Variants in TNR observed in about 807,000 individuals in gnomAD.
TNR encodes the protein tenascin R.
In TNR, 45 loss-of-function variants were observed where a neutral mutation model predicts 150.4. That is an observed-to-expected ratio of 0.30 (90% CI 0.24 to 0.38). The LOEUF is 0.38. Ranked by LOEUF, TNR falls within the 10% of genes least tolerant of loss-of-function variation. TNR has a pLI of 1.00. For synonymous variants in TNR, 687 were observed against 678.4 expected (o/e 1.01, Z -0.20); for missense variants, 1,544 against 1,759.1 (o/e 0.88, Z 2.19).
At chr1:175,403,872 G>C (rs891103036) in intron 3 of TNR, among the ~76,000 whole-genome samples, 2 of 152,214 alleles carry the variant, frequency 1.3e-5, no homozygotes, top group Non-Finnish European at 2.9e-5. Flanking sequence ...GACCTTTAAG[G>C]TGTCTTAGGA....
chr1:175,549,333 A>G (rs1394593933), intron 1 of TNR, among the ~76,000 whole-genome samples: 1 of 152,252 alleles, frequency 6.6e-6, no homozygotes, highest in African/African-American at 2.4e-5. Flanking sequence ...CGGCAAGGCA[A>G]TAACAATAGC....
Position 175,574,074 on chromosome 1 carries a change from G to T in TNR, c.-164-45705C>A, listed in dbSNP as rs189911579. Among the ~76,000 whole-genome samples, 11 of 152,256 alleles carry T rather than the reference G, an allele frequency of 7.2e-5. No individual in the cohort carries two copies. The East Asian group carries it at 2.1e-3, about 29-fold the overall frequency. ...TGAAGAGGAAGATGAGAGGTGGTGG[G>T]AGTGGGCGTGGAGAGAAGACCTGGG... On this transcript the variant is annotated intron_variant, in intron 1 of 22. Coordinates refer to ENST00000367674, the MANE Select transcript of TNR (RefSeq NM_003285.3).
intron 1 of TNR, among the ~76,000 whole-genome samples, chr1:175,624,555 C>T (rs992284248): frequency 1.3e-5 from 2 of 152,076 alleles, no homozygotes; most frequent in Non-Finnish European, 2.9e-5. Flanking sequence ...CCAAGAAATG[C>T]TAAGGAGTGT....
chr1:175,581,810 A>G (rs1187925273), intron 1 of TNR, among the ~76,000 whole-genome samples: 1 of 152,218 alleles, frequency 6.6e-6, no homozygotes. Context: ...CTAGAAACTC[A>G]GTAACAAGTC....
At chr1:175,592,031 G>A (rs568483863) in intron 1 of TNR, among the ~76,000 whole-genome samples, 2 of 152,274 alleles carry the variant, frequency 1.3e-5, no homozygotes, top group East Asian at 3.9e-4. Context: ...ATTGCTTTAA[G>A]CCACTAAGAC....
chr1:175,741,032 T>G (rs1667912199), intron 1 of TNR, among the ~76,000 whole-genome samples: 1 of 152,320 alleles, frequency 6.6e-6, no homozygotes, highest in South Asian at 2.1e-4. Flanking sequence ...TTGGCCATCT[T>G]CTTAGCTGAG....
At chr1:175,454,629 A>C (rs958713884) in intron 2 of TNR, among the ~76,000 whole-genome samples, 1 of 151,962 alleles carries the variant, frequency 6.6e-6, no homozygotes, top group Non-Finnish European at 1.5e-5. Context: ...GTGCCACCAC[A>C]CCTGGCTAAT....
At chr1:175,733,916 A>AG (rs1667707041) in intron 1 of TNR, among the ~76,000 whole-genome samples, 1 of 143,088 alleles carries the variant, frequency 7.0e-6, no homozygotes, top group Admixed American at 7.1e-5. Flanking sequence ...TTGCCTTGTG[A>AG]GGGAGTCAGT....
At chr1:175,547,366 T>C (rs908020901) in intron 1 of TNR, among the ~76,000 whole-genome samples, 2 of 152,060 alleles carry the variant, frequency 1.3e-5, no homozygotes, top group Non-Finnish European at 2.9e-5. Context: ...TCCCCACAAC[T>C]TTGAGCTTCT....
intron 2 of TNR, among the ~76,000 whole-genome samples, chr1:175,471,582 T>TA (rs1287305103): frequency 6.6e-6 from 1 of 152,144 alleles, no homozygotes; most frequent in East Asian, 1.9e-4. Context: ...ATAAAGGATT[T>TA]AAAAAATGGT....
intron 2 of TNR, among the ~76,000 whole-genome samples, chr1:175,433,753 TAG>T (rs1469347408): frequency 1.3e-5 from 2 of 152,210 alleles, no homozygotes; most frequent in Non-Finnish European, 2.9e-5. Flanking sequence ...GGTCTAAATT[TAG>T]AGTGTTCACT....
At chr1:175,654,270 C>T (rs115126402) in intron 1 of TNR, among the ~76,000 whole-genome samples, 1,874 of 152,294 alleles carry the variant, frequency 0.012, 35 homozygotes, top group African/African-American at 0.04. Context: ...GAGCAAGATG[C>T]TGGTTATAGC....
intron 1 of TNR, among the ~76,000 whole-genome samples, chr1:175,706,800 T>C (rs147717405): frequency 1.2e-3 from 182 of 152,184 alleles, no homozygotes; most frequent in African/African-American, 4.2e-3. Context: ...AGAGGAGAGA[T>C]AGTCACCACC....
chr1:175,718,709 G>A (rs1357371534), intron 1 of TNR, among the ~76,000 whole-genome samples: 1 of 152,246 alleles, frequency 6.6e-6, no homozygotes, highest in Non-Finnish European at 1.5e-5. Flanking sequence ...GTCGTTAGGT[G>A]TTAGAAGGGC....
intron 1 of TNR, among the ~76,000 whole-genome samples, chr1:175,581,680 TA>T (rs1171763276): frequency 6.6e-6 from 1 of 152,204 alleles, no homozygotes; most frequent in Non-Finnish European, 1.5e-5. Context: ...ATTTTTTTCT[TA>T]CCTTTTGAGA....
At chr1:175,388,352 G>C (rs1404671617) in intron 7 of TNR, among the ~76,000 whole-genome samples, 1 of 152,140 alleles carries the variant, frequency 6.6e-6, no homozygotes, top group Non-Finnish European at 1.5e-5. Context: ...AATCATAATG[G>C]ATTGAACATA....
rs542605936 is a variant in TNR, at chr1:175,593,801, A to G, written c.-164-65432T>C. 1.1e-3 allele frequency among the ~76,000 whole-genome samples: 175 copies of G among 152,266 alleles called. 1 individual carries two copies. Among genetic ancestry groups the G allele is most frequent in the Non-Finnish European group, 2.0e-3 (136 of 68,030 alleles). ...AGGGCCCAAGATATTTGTTTTCTCC[A>G]TGATAGAGAAATATTCTCAAGTTTC... On this transcript the variant is annotated intron_variant, in intron 1 of 22. Coordinates refer to ENST00000367674, the MANE Select transcript of TNR (RefSeq NM_003285.3).
At chr1:175,620,596 A>C (rs180736073) in intron 1 of TNR, among the ~76,000 whole-genome samples, 1 of 152,322 alleles carries the variant, frequency 6.6e-6, no homozygotes, top group African/African-American at 2.4e-5. Context: ...GAAAAGAAGC[A>C]GAGGGGCTGA....
chr1:175,579,165 T>C (rs371564212), intron 1 of TNR, among the ~76,000 whole-genome samples: 1 of 134,468 alleles, frequency 7.4e-6, no homozygotes, highest in Non-Finnish European at 1.6e-5. Context: ...TCGTTCCTTC[T>C]TTCCTTCCTT....
Sources: allele counts gnomAD v4.1 joint callset (sites outside exome capture counted in the v4.1 genomes callset), GRCh38; gene constraint gnomAD v4.1.1; transcripts MANE v1.5; gene names NCBI Gene and HGNC (gene_info 2026-07-23, HGNC 2026-07-21).